DPYSL2: variants seen among roughly 807,000 people sequenced by gnomAD.
DPYSL2 encodes the protein dihydropyrimidinase like 2, also known as dihydropyrimidinase-related protein 2.
DPYSL2 carries 13 observed loss-of-function variants against 69.9 expected under a neutral mutation model. The ratio of observed to expected loss-of-function variants is 0.19; its 90% confidence interval spans 0.12 to 0.30. DPYSL2 has a LOEUF of 0.30. Ranked by LOEUF, DPYSL2 falls within the 10% of genes least tolerant of loss-of-function variation. DPYSL2 has a pLI of 1.00. For missense variants in DPYSL2, 587 were observed against 918.9 expected, an observed-to-expected ratio of 0.64 and a Z score of 4.67; for synonymous variants, 326 against 359.1, an observed-to-expected ratio of 0.91 and a Z score of 1.04.
intron 1 of DPYSL2, among the ~76,000 whole-genome samples, chr8:26,553,330 T>G (rs896588779): frequency 6.7e-6 from 1 of 150,196 alleles, no homozygotes; most frequent in Non-Finnish European, 1.5e-5. Flanking sequence ...ACCCAGGTAC[T>G]AAGCCTAGTA....
chr8:26,553,962 G>T (rs1170508769), intron 1 of DPYSL2, among the ~76,000 whole-genome samples: 3 of 136,904 alleles, frequency 2.2e-5, no homozygotes, highest in Non-Finnish European at 4.5e-5. Flanking sequence ...GCAGTGGCAC[G>T]ATCTCTGCAA....
At chr8:26,645,738 C>A (rs1304131370) in intron 10 of DPYSL2, among the ~76,000 whole-genome samples, 2 of 152,052 alleles carry the variant, frequency 1.3e-5, no homozygotes, top group Non-Finnish European at 2.9e-5. Context: ...TTAGTAGAGA[C>A]AGGGTTTCAC....
intron 1 of DPYSL2, among the ~76,000 whole-genome samples, chr8:26,544,957 A>T (rs1800741860): frequency 6.6e-6 from 1 of 152,236 alleles, no homozygotes; most frequent in Non-Finnish European, 1.5e-5. Context: ...ACAGGAAAAT[A>T]TAACAATATA....
chr8:26,644,923 G>A lies in DPYSL2; in HGVS notation c.1425+832G>A, dbSNP rs929451499. 4.6e-5 allele frequency among the ~76,000 whole-genome samples: 7 copies of A among 152,068 alleles called. No homozygotes were observed. The highest frequency in any genetic ancestry group is 1.4e-4 in the African/African-American group (6 of 41,398). The stretch of plus-strand genomic sequence containing the variant: ...AACAGAATAGGTTTTCTGTTTTTTA[G>A]TGAATTGTTTAGATTATATGAAGAA... On this transcript the variant is annotated intron_variant, in intron 10 of 13. Coordinates refer to ENST00000521913, the MANE Select transcript of DPYSL2 (RefSeq NM_001197293.3). The surrounding 1 kb of genome is among the most constrained non-coding windows in gnomAD (Gnocchi z 4.5).
chr8:26,526,496 A>G (rs1808479875), intron 1 of DPYSL2, among the ~76,000 whole-genome samples: 1 of 152,244 alleles, frequency 6.6e-6, no homozygotes, highest in Admixed American at 6.5e-5. Flanking sequence ...TCTGTGGCTA[A>G]TAATAGTCTT....
At chr8:26,628,376 A>G (rs1198511127) in intron 7 of DPYSL2, among the ~76,000 whole-genome samples, 1 of 152,232 alleles carries the variant, frequency 6.6e-6, no homozygotes, top group Non-Finnish European at 1.5e-5. Context: ...AACCCTGCAC[A>G]GGATATCACA....
At chr8:26,639,034 G>A (rs770264729) in intron 8 of DPYSL2, among the ~76,000 whole-genome samples, 3 of 152,144 alleles carry the variant, frequency 2.0e-5, no homozygotes, top group South Asian at 2.1e-4. Context: ...CCCATAACCC[G>A]GGTGCAGAAA....
chr8:26,540,634 G>A (rs371811603), intron 1 of DPYSL2, among the ~76,000 whole-genome samples: 19 of 152,138 alleles, frequency 1.2e-4, no homozygotes, highest in African/African-American at 4.1e-4. Context: ...GGCCAGGCAT[G>A]GTGGCTCACA....
intron 1 of DPYSL2, among the ~76,000 whole-genome samples, chr8:26,531,500 G>A (rs910731124): frequency 6.6e-6 from 1 of 152,170 alleles, no homozygotes; most frequent in Non-Finnish European, 1.5e-5. Flanking sequence ...GAGAATGTGC[G>A]AGGTGGTAGA....
rs1358042590 is a variant in DPYSL2, at chr8:26,579,966, A to G, written c.355-2003A>G. ...TTTTTTAAAGAGCGCCCCCCCCCCCACACCCTTTAAAAAATCTGGTTGCAT... is the reference window on the plus strand; with the variant it reads ...TTTTTTAAAGAGCGCCCCCCCCCCCGCACCCTTTAAAAAATCTGGTTGCAT... On this transcript the variant is annotated intron_variant, in intron 1 of 13. Transcript: ENST00000521913. Among the ~76,000 whole-genome samples the G allele has an allele frequency of 1.0e-3, 39 of 37,910 alleles. 1 individual carries two copies. The highest frequency in any genetic ancestry group is 3.9e-3 in the African/African-American group (36 of 9,156). 24.9% of individuals were successfully genotyped at this position (37,910 alleles called of 152,430 possible).
Position 26,648,179 on chromosome 8 carries a change from T to A in DPYSL2, c.1596+379T>A, listed in dbSNP as rs1389490769. On this transcript the variant is annotated intron_variant, in intron 11 of 13. Transcript: ENST00000521913. The surrounding 1 kb of genome is among the most constrained non-coding windows in gnomAD (Gnocchi z 4.3). Reference sequence around the variant, plus strand: ...CTCAATGAAGCAGTGAGATGTCCTCTCCTGAGATGCCCACTGGGGACTTTG... The same window carrying A: ...CTCAATGAAGCAGTGAGATGTCCTCACCTGAGATGCCCACTGGGGACTTTG... Among the ~76,000 whole-genome samples, 2 of 152,222 alleles carry A rather than the reference T, an allele frequency of 1.3e-5. No homozygotes were observed. Among genetic ancestry groups the A allele is most frequent in the Non-Finnish European group, 2.9e-5 (2 of 68,046 alleles).
intron 1 of DPYSL2, among the ~76,000 whole-genome samples, chr8:26,530,397 C>T (rs757414198): frequency 7.2e-5 from 11 of 152,206 alleles, no homozygotes; most frequent in Non-Finnish European, 1.3e-4. Context: ...CTTGTGATAA[C>T]ATTCAATTGG....
chr8:26,598,050 C>T lies in DPYSL2; in HGVS notation c.628+14067C>T, dbSNP rs115825436. 0.026 allele frequency among the ~76,000 whole-genome samples: 3,966 copies of T among 152,218 alleles called. 51 individuals are homozygous for T. The highest frequency in any genetic ancestry group is 0.05 in the South Asian group (241 of 4,824). On this transcript the variant is annotated intron_variant, in intron 3 of 13. Coordinates refer to ENST00000521913, the MANE Select transcript of DPYSL2 (RefSeq NM_001197293.3). The surrounding 1 kb of genome is among the most constrained non-coding windows in gnomAD (Gnocchi z 4.2). Reference sequence around the variant, plus strand: ...CTGGTTTTCTGAATCGTCAGATGCACCTGGATCAGCATGTCTTGCATAATA... The same window carrying T: ...CTGGTTTTCTGAATCGTCAGATGCATCTGGATCAGCATGTCTTGCATAATA...
chr8:26,529,302 TC>T (rs1563375876), intron 1 of DPYSL2, among the ~76,000 whole-genome samples: 24 of 147,830 alleles, frequency 1.6e-4, no homozygotes, highest in Non-Finnish European at 2.4e-4. Context: ...TATCTATCTA[TC>T]ATCTATCTAT....
rs2129659919 is a variant in DPYSL2, at chr8:26,560,514, A to G, written c.355-21455A>G. On this transcript the variant is annotated intron_variant, in intron 1 of 13. Coordinates refer to ENST00000521913, the MANE Select transcript of DPYSL2 (RefSeq NM_001197293.3). This position sits in a 1 kb window ranked among gnomAD's most constrained non-coding sequence, Gnocchi z 4.4. Reference sequence around the variant, plus strand: ...AGTTTGTCCACAGCTCACAGCTCACAGCTCACAGCCAGGCTCTGTGGGCTG... The same window carrying G: ...AGTTTGTCCACAGCTCACAGCTCACGGCTCACAGCCAGGCTCTGTGGGCTG... Among the ~76,000 whole-genome samples, 1 of 152,254 alleles carries G rather than the reference A, an allele frequency of 6.6e-6. No individual in the cohort carries two copies.
At chr8:26,520,053 G>T (rs1367951874) in intron 1 of DPYSL2, among the ~76,000 whole-genome samples, 1 of 152,228 alleles carries the variant, frequency 6.6e-6, no homozygotes, top group Non-Finnish European at 1.5e-5. Context: ...TAATTGAATT[G>T]TTGGGGTGGT....
intron 1 of DPYSL2, among the ~76,000 whole-genome samples, chr8:26,537,041 ATT>A (rs5890319): frequency 0.015 from 2,254 of 151,458 alleles, 25 homozygotes; most frequent in Admixed American, 0.036. Flanking sequence ...AATAATACGG[ATT>A]TTTTTTTTTA....
At position 26,652,397 on chromosome 8, in the gene DPYSL2, C is replaced by T. The variant is rs1317240360; in HGVS notation, c.1737C>T (p.Phe579=). 6.2e-7 allele frequency: 1 copy of T among 1,614,008 alleles called. No individual in the cohort carries two copies. The highest frequency in any genetic ancestry group is 1.3e-5 in the African/African-American group (1 of 75,020). Residue 579 remains phenylalanine, a synonymous_variant, in exon 12 of 14, where the codon TTC becomes TTT. Coordinates refer to ENST00000521913, the MANE Select transcript of DPYSL2 (RefSeq NM_001197293.3). This position sits in a 1 kb window ranked among gnomAD's most constrained non-coding sequence, Gnocchi z 6.3. Reference sequence around the variant, plus strand: ...GACGCTACATTCCCCGGAAGCCCTTCCCTGATTTTGTTTACAAGCGTATCA... The same window carrying T: ...GACGCTACATTCCCCGGAAGCCCTTTCCTGATTTTGTTTACAAGCGTATCA... ...GSGRYIPRKP[F]PDFVYKRIKA...
At chr8:26,596,992 T>C (rs1015759685) in intron 3 of DPYSL2, among the ~76,000 whole-genome samples, 4 of 152,232 alleles carry the variant, frequency 2.6e-5, no homozygotes, top group Non-Finnish European at 4.4e-5. Context: ...GTTCAAGTTT[T>C]ATCCTGCCCT....
Sources: allele counts gnomAD v4.1 joint callset (sites outside exome capture counted in the v4.1 genomes callset), GRCh38; gene constraint gnomAD v4.1.1; non-coding constraint Gnocchi (gnomAD v3.1); transcripts MANE v1.5; gene names NCBI Gene and HGNC (gene_info 2026-07-23, HGNC 2026-07-21).